Variants in RUSC2 observed in about 807,000 individuals in gnomAD.
The protein encoded by RUSC2 is RUN and SH3 domain containing 2.
RUSC2 carries 34 observed loss-of-function variants against 122.2 expected under a neutral mutation model. The observed-to-expected ratio is 0.28, with a 90% CI of 0.21 to 0.37. The LOEUF (loss-of-function observed/expected upper bound fraction) is 0.37. Among genes scored for constraint, RUSC2 ranks in the 10% least tolerant of loss-of-function variants. The probability of loss-of-function intolerance (pLI) is 1.00; values close to 1 mark genes in which losing one functional copy is unlikely to be tolerated. For synonymous variants in RUSC2, 784 were observed against 790.0 expected (o/e 0.99, Z 0.13); for missense variants, 1,747 against 1,952.4 (o/e 0.89, Z 1.98).
intron 1 of RUSC2, among the ~76,000 whole-genome samples, chr9:35,514,942 T>C (rs1008922660): frequency 4.6e-5 from 7 of 152,140 alleles, no homozygotes; most frequent in Non-Finnish European, 1.0e-4. Flanking sequence ...AATTCCACCA[T>C]AACTCGGTCA....
intron 1 of RUSC2, among the ~76,000 whole-genome samples, chr9:35,512,730 T>C (rs539949088): frequency 6.6e-6 from 1 of 152,312 alleles, no homozygotes; most frequent in African/African-American, 2.4e-5. Context: ...TTGTTTTTCC[T>C]TCCTCCTCCC....
intron 1 of RUSC2, among the ~76,000 whole-genome samples, chr9:35,499,613 T>C (rs1440437038): frequency 6.6e-6 from 1 of 152,174 alleles, no homozygotes. Context: ...TATCTTAGGA[T>C]CAAAAGTCTA....
Position 35,546,841 on chromosome 9 carries a change from A to G in RUSC2, c.320A>G (p.Glu107Gly), listed in dbSNP as rs747547439. Residue 107 changes from glutamate (E) to glycine (G), a missense_variant, in exon 2 of 12, where the codon GAG (glutamate) becomes GGG (glycine). Glu to Gly is a moderately conservative substitution (Grantham distance 98). Coordinates refer to ENST00000361226, the MANE Select transcript of RUSC2 (RefSeq NM_014806.5). The surrounding 1 kb of genome is among the most constrained non-coding windows in gnomAD (Gnocchi z 4.3). Reference protein sequence around the residue: ...PKRHNPFLLQEGVGEPGLGDL... With the variant: ...PKRHNPFLLQGGVGEPGLGDL... The stretch of plus-strand genomic sequence containing the variant: ...CGACACAACCCCTTCTTGCTGCAGG[A>G]GGGTGTGGGTGAGCCAGGACTTGGT... The G allele has an allele frequency of 1.6e-5, 26 of 1,610,904 alleles. No homozygotes were observed. In the African/African-American group the frequency reaches 3.5e-4, roughly 21 times the overall value.
intron 1 of RUSC2, among the ~76,000 whole-genome samples, chr9:35,518,320 G>A (rs879622686): frequency 1.1e-4 from 17 of 152,174 alleles, no homozygotes; most frequent in African/African-American, 2.7e-4. Flanking sequence ...TTGGCTGCTC[G>A]GCTGTTTTGT....
chr9:35,524,398 A>T (rs1054884127), intron 1 of RUSC2, among the ~76,000 whole-genome samples: 2 of 152,250 alleles, frequency 1.3e-5, no homozygotes, highest in Admixed American at 6.5e-5. Context: ...TGATTGGATG[A>T]AAGTTTGATG....
chr9:35,491,358 C>T (rs1004402451), intron 1 of RUSC2, among the ~76,000 whole-genome samples: 4 of 152,166 alleles, frequency 2.6e-5, no homozygotes, highest in African/African-American at 9.7e-5. Flanking sequence ...ACTGGATTTT[C>T]TTAGCCGGCT....
Position 35,507,806 on chromosome 9 carries a change from A to G in RUSC2, c.-93+17634A>G, listed in dbSNP as rs575398048. On this transcript the variant is annotated intron_variant, in intron 1 of 11. Transcript: ENST00000361226. ...TTGAGCTCAATTTCAGATCTGAGAA[A>G]ATGTGGCTATTAAGAGATGCAAGCA... The G allele has an allele frequency of 3.3e-5, 7 of 215,364 alleles. No homozygotes were observed. In the South Asian group the frequency reaches 5.5e-4, roughly 17 times the overall value. 13.3% of individuals were successfully genotyped at this position (215,364 alleles called of 1,614,324 possible).
chr9:35,515,999 C>CAA (rs544797957), intron 1 of RUSC2, among the ~76,000 whole-genome samples: 140 of 46,762 alleles, frequency 3.0e-3, no homozygotes, highest in Middle Eastern at 0.019. Context: ...ATTCTTGTCT[C>CAA]AAAAAAAAAA....
At chr9:35,503,861 AC>A in intron 1 of RUSC2, among the ~76,000 whole-genome samples, 2 of 151,368 alleles carry the variant, frequency 1.3e-5, no homozygotes, top group East Asian at 3.9e-4. Flanking sequence ...TGCAACCTCC[AC>A]CTCCCAGGTT....
At chr9:35,525,423 T>C (rs1364505389) in intron 1 of RUSC2, among the ~76,000 whole-genome samples, 1 of 152,118 alleles carries the variant, frequency 6.6e-6, no homozygotes, top group African/African-American at 2.4e-5. Context: ...CTCCTGACAG[T>C]GTAGGGTTGT....
At chr9:35,524,144 T>C (rs1821275589) in intron 1 of RUSC2, among the ~76,000 whole-genome samples, 1 of 151,800 alleles carries the variant, frequency 6.6e-6, no homozygotes, top group Non-Finnish European at 1.5e-5. Context: ...GCCAACATGG[T>C]GAAACCTGTC....
At chr9:35,490,524 G>T (rs774037163) in intron 1 of RUSC2, among the ~76,000 whole-genome samples, 2 of 151,864 alleles carry the variant, frequency 1.3e-5, no homozygotes, top group African/African-American at 2.4e-5. Context: ...AAAACGACTC[G>T]CGCCCAGTAG....
In RUSC2 at chr9:35,556,425, C is replaced by T. The variant is rs149008068; in HGVS notation, c.2960C>T (p.Ser987Phe). 1 of 1,614,140 alleles carries T rather than the reference C, an allele frequency of 6.2e-7. No homozygotes were observed. The highest frequency in any genetic ancestry group is 1.3e-5 in the African/African-American group (1 of 75,046). ...LSPDGSSEAI[S>F]IDLLQKKGLV... ...CCAGATGGCAGCTCAGAGGCCATTTCCATTGACCTGCTTCAGAAAAAAGGT... is the reference window on the plus strand; with the variant it reads ...CCAGATGGCAGCTCAGAGGCCATTTTCATTGACCTGCTTCAGAAAAAAGGT... The change falls in exon 5 of 12, where the codon TCC (serine) becomes TTC (phenylalanine). Residue 987 changes from serine to phenylalanine, a missense_variant. Transcript: ENST00000361226.
At chr9:35,537,163 A>T (rs1225329483) in intron 1 of RUSC2, among the ~76,000 whole-genome samples, 2 of 152,320 alleles carry the variant, frequency 1.3e-5, no homozygotes, top group Non-Finnish European at 2.9e-5. Context: ...CAAGCACTAG[A>T]GGTCTGAGAG....
intron 2 of RUSC2, among the ~76,000 whole-genome samples, chr9:35,554,405 G>C (rs1234071113): frequency 6.6e-6 from 1 of 152,200 alleles, no homozygotes; most frequent in Non-Finnish European, 1.5e-5. Flanking sequence ...CAGGTAGGCT[G>C]CAAGTAAAGA....
intron 1 of RUSC2, among the ~76,000 whole-genome samples, chr9:35,517,894 C>A (rs1394239343): frequency 6.6e-6 from 1 of 152,122 alleles, no homozygotes; most frequent in African/African-American, 2.4e-5. Flanking sequence ...TTTTTTCCTA[C>A]CACACACCAG....
Position 35,558,626 on chromosome 9 carries a change from C to A in RUSC2, c.3341+59C>A. On this transcript the variant is annotated intron_variant, in intron 8 of 11. Transcript: ENST00000361226. The surrounding 1 kb of genome is among the most constrained non-coding windows in gnomAD (Gnocchi z 4.3). The stretch of plus-strand genomic sequence containing the variant: ...ACTTGCCCTGCCCCCCACCCCCGGG[C>A]TCTGCCTGCACCAAGGAAACAACGC... 7.1e-7 allele frequency: 1 copy of A among 1,403,040 alleles called. No homozygotes were observed. Among genetic ancestry groups the A allele is most frequent in the Admixed American group, 1.7e-5 (1 of 59,728 alleles). The allele number at this position is 1,403,040 out of a possible 1,614,324, so 86.9% of individuals were successfully genotyped here.
intron 2 of RUSC2, among the ~76,000 whole-genome samples, chr9:35,549,991 C>T (rs781375388): frequency 1.3e-5 from 2 of 152,086 alleles, no homozygotes; most frequent in Non-Finnish European, 2.9e-5. Context: ...GCGGGCGGAT[C>T]ACCTCAGGTC....
At chr9:35,532,162 G>T (rs1162749422) in intron 1 of RUSC2, among the ~76,000 whole-genome samples, 3 of 152,184 alleles carry the variant, frequency 2.0e-5, no homozygotes, top group Non-Finnish European at 4.4e-5. Flanking sequence ...AGTCCAAAGA[G>T]ACCTAATTTG....
Sources: gnomAD v4.1 joint callset for allele counts (sites outside exome capture counted in the v4.1 genomes callset) on GRCh38, gnomAD v4.1.1 for gene constraint, Gnocchi (gnomAD v3.1) non-coding constraint, MANE v1.5 for transcripts, NCBI Gene and HGNC (gene_info 2026-07-23, HGNC 2026-07-21) for gene names.